The following C6orf89 variants were observed in gnomAD, a reference collection of about 807,000 sequenced individuals.
C6orf89 encodes the protein bombesin receptor-activated protein C6orf89.
In C6orf89, 29 loss-of-function variants were observed where a neutral mutation model predicts 40.7. The ratio of observed to expected loss-of-function variants is 0.71; its 90% CI spans 0.53 to 0.97. The LOEUF (loss-of-function observed/expected upper bound fraction) is 0.97, where lower values mean the gene tolerates loss of function less well. Ranked by LOEUF, C6orf89 falls within the 50% of genes least tolerant of loss-of-function variation. C6orf89 has a pLI of 0.00. For synonymous variants in C6orf89, 165 were observed against 152.2 expected, an observed-to-expected ratio of 1.08 and a Z score of -0.62; for missense variants, 392 against 429.1, an observed-to-expected ratio of 0.91 and a Z score of 0.76.
chr6:36,872,411 A>T (rs750236532), intron 1 of C6orf89, among the ~76,000 whole-genome samples: 1 of 152,178 alleles, frequency 6.6e-6, no homozygotes, highest in Non-Finnish European at 1.5e-5. Context: ...AAATTTCAAT[A>T]AAAGGTACAG....
intron 4 of C6orf89, among the ~76,000 whole-genome samples, chr6:36,910,345 C>CT (rs1264134719): frequency 6.6e-6 from 1 of 152,096 alleles, no homozygotes; most frequent in Non-Finnish European, 1.5e-5. Context: ...GGGTAGGAAT[C>CT]TAACTTTATT....
upstream of C6orf89, chr6:36,883,490 G>A (rs1583139590): frequency 6.6e-6 from 1 of 152,162 alleles, no homozygotes; most frequent in Non-Finnish European, 1.5e-5. Context: ...ATGCCTCTAT[G>A]AACAATAGAA....
intron 8 of C6orf89, among the ~76,000 whole-genome samples, chr6:36,921,250 G>A (rs996741147): frequency 6.6e-6 from 1 of 152,162 alleles, no homozygotes; most frequent in Non-Finnish European, 1.5e-5. Flanking sequence ...GGAAGCCAGC[G>A]AGCACCTGAA....
rs1489494426 is a variant in C6orf89 at position 36,874,837 on chromosome 6, C to G, written c.-628+2870C>G. On this transcript the variant is annotated intron_variant, in intron 1 of 9. Transcript: ENST00000359359. ...CTTCCGGCGTCGATTAGCTGGGGACCCGTCGCTGCTGCACACTTCCGGTCC... is the reference window on the plus strand; with the variant it reads ...CTTCCGGCGTCGATTAGCTGGGGACGCGTCGCTGCTGCACACTTCCGGTCC... The G allele has an allele frequency of 2.8e-5, 44 of 1,559,896 alleles. No individual in the cohort carries two copies. The South Asian group carries it at 4.9e-4, about 17-fold the overall frequency.
intron 3 of C6orf89, among the ~76,000 whole-genome samples, chr6:36,900,014 G>C (rs7741378): frequency 6.7e-6 from 1 of 150,144 alleles, no homozygotes; most frequent in African/African-American, 2.4e-5. Context: ...CAGCCTCCCA[G>C]GTAGCTGGGA....
upstream of C6orf89, among the ~76,000 whole-genome samples, chr6:36,880,961 G>C (rs1774790220): frequency 6.6e-6 from 1 of 152,210 alleles, no homozygotes; most frequent in Admixed American, 6.5e-5. Context: ...AATTTAAGGT[G>C]ATTAGGCCTC....
upstream of C6orf89, chr6:36,885,710 G>T: frequency 3.5e-6 from 1 of 286,236 alleles, no homozygotes; most frequent in Non-Finnish European, 6.5e-6. Flanking sequence ...GTCTGTGTGA[G>T]CCAGTCCAGG....
intron 4 of C6orf89, 77 bp from the exon 5 acceptor site, chr6:36,914,206 GT>G: frequency 1.6e-6 from 2 of 1,259,166 alleles, no homozygotes; most frequent in South Asian, 2.9e-5. Flanking sequence ...TTCCTTTCTT[GT>G]TTCATTGTTG....
At position 36,914,699 on chromosome 6, in the gene C6orf89, T is replaced by C. The variant is rs759608551; in HGVS notation, c.695+6T>C. 4 of 1,612,576 alleles carry C rather than the reference T, an allele frequency of 2.5e-6. No individual in the cohort carries two copies. The African/African-American group carries it at 4.0e-5, about 16-fold the overall frequency. The stretch of plus-strand genomic sequence containing the variant: ...TTCCCATTTCCTTATCCATGGTGAG[T>C]GTGAAAAGGGCCGGGCACAGTGGCT... On this transcript the variant is annotated splice_donor_region_variant and intron_variant, in intron 6 of 8. Transcript: ENST00000480824.
At chr6:36,873,183 C>T (rs1774554751) in intron 1 of C6orf89, among the ~76,000 whole-genome samples, 1 of 152,170 alleles carries the variant, frequency 6.6e-6, no homozygotes, top group Admixed American at 6.5e-5. Flanking sequence ...AGTACGTATA[C>T]AATTCTGAAA....
intron 2 of C6orf89, among the ~76,000 whole-genome samples, chr6:36,895,101 C>T (rs1761373197): frequency 2.6e-5 from 4 of 152,174 alleles, no homozygotes; most frequent in Non-Finnish European, 5.9e-5. Context: ...TGCTTCTTCC[C>T]TATGGTGCCA....
chr6:36,914,067 A>C (rs951187317), intron 4 of C6orf89, among the ~76,000 whole-genome samples: 1 of 152,214 alleles, frequency 6.6e-6, no homozygotes, highest in African/African-American at 2.4e-5. Flanking sequence ...AGGCTGTAGC[A>C]GGAGAATCCC....
chr6:36,895,534 A>G lies in C6orf89; in HGVS notation c.-20+931A>G, dbSNP rs184236065. Among the ~76,000 whole-genome samples the G allele has an allele frequency of 2.0e-5, 3 of 152,292 alleles. No individual in the cohort carries two copies. The East Asian group carries it at 5.8e-4, about 29-fold the overall frequency. On this transcript the variant is annotated intron_variant, in intron 2 of 8. Coordinates refer to ENST00000480824, the MANE Select transcript of C6orf89 (RefSeq NM_001286635.2). The stretch of plus-strand genomic sequence containing the variant: ...TTTGCCTATTCCTTGCAGGTTTGTT[A>G]AAAAGGTATTAAGAAAAAAAAGATG...
At chr6:36,889,736 G>T (rs761095372) in intron 1 of C6orf89, among the ~76,000 whole-genome samples, 4 of 152,118 alleles carry the variant, frequency 2.6e-5, no homozygotes, top group African/African-American at 4.8e-5. Context: ...GATAGTTAAG[G>T]AAACTTGACT....
intron 4 of C6orf89, among the ~76,000 whole-genome samples, chr6:36,910,291 G>A (rs936851163): frequency 1.3e-5 from 2 of 152,002 alleles, no homozygotes; most frequent in African/African-American, 4.8e-5. Context: ...TTATCTATTT[G>A]TATCTTTTAA....
At chr6:36,903,653 G>A (rs1328871718) in intron 4 of C6orf89, among the ~76,000 whole-genome samples, 1 of 152,000 alleles carries the variant, frequency 6.6e-6, no homozygotes, top group Non-Finnish European at 1.5e-5. Context: ...TAGAGACAGG[G>A]TTTCACCGTG....
chr6:36,871,936 G>C, exon 1 of C6orf89: 3 of 1,403,712 alleles, frequency 2.1e-6, no homozygotes, highest in Non-Finnish European at 2.8e-6. Context: ...GAGTATTATG[G>C]AACTGCTCCA....
At chr6:36,901,301 T>G (rs1583170534) in intron 3 of C6orf89, among the ~76,000 whole-genome samples, 1 of 75,224 alleles carries the variant, frequency 1.3e-5, no homozygotes, top group South Asian at 4.0e-4. Flanking sequence ...ATTATTATTA[T>G]TATTATTATT....
intron 8 of C6orf89, 63 bp from the exon 9 acceptor site, chr6:36,923,284 G>C: frequency 7.9e-7 from 1 of 1,267,662 alleles, no homozygotes. Context: ...TGCCTTGCTC[G>C]TGCCCACAGG....
Sources: allele counts gnomAD v4.1 joint callset (sites outside exome capture counted in the v4.1 genomes callset), GRCh38; gene constraint gnomAD v4.1.1; transcripts MANE v1.5; gene names NCBI Gene and HGNC (gene_info 2026-07-23, HGNC 2026-07-21).